Variants in NTF3 observed in about 807,000 individuals in gnomAD.
NTF3 encodes neurotrophin 3, also known as neurotrophin-3.
In NTF3, 8 loss-of-function variants were observed where a neutral mutation model predicts 26.3. The observed-to-expected ratio is 0.30, with a 90% CI of 0.18 to 0.55. The LOEUF is 0.55. NTF3 is among the 20% of genes least tolerant of loss of function. The pLI, the probability that NTF3 is intolerant of heterozygous loss-of-function variation, is 0.93. For missense variants in NTF3, 276 were observed against 352.9 expected, an observed-to-expected ratio of 0.78 and a Z score of 1.75; for synonymous variants, 154 against 145.5, an observed-to-expected ratio of 1.06 and a Z score of -0.42.
At chr12:5,493,746 G>T (rs564339038) in intron 1 of NTF3, among the ~76,000 whole-genome samples, 1 of 152,074 alleles carries the variant, frequency 6.6e-6, no homozygotes, top group Non-Finnish European at 1.5e-5. Context: ...GGGAGCAGTC[G>T]AACTCTTTCT....
At chr12:5,440,252 G>A (rs762880270) in intron 1 of NTF3, among the ~76,000 whole-genome samples, 11 of 152,116 alleles carry the variant, frequency 7.2e-5, no homozygotes, top group Non-Finnish European at 1.6e-4. Flanking sequence ...TAGACCATAG[G>A]TACTCAAAAA....
chr12:5,457,813 A>T (rs2121183828), intron 1 of NTF3, among the ~76,000 whole-genome samples: 1 of 151,548 alleles, frequency 6.6e-6, no homozygotes, highest in South Asian at 2.1e-4. Context: ...ACCACCTGCG[A>T]CTCTAGTGTG....
At chr12:5,443,810 G>A (rs762459868) in intron 1 of NTF3, among the ~76,000 whole-genome samples, 21 of 152,108 alleles carry the variant, frequency 1.4e-4, no homozygotes, top group Non-Finnish European at 2.4e-4. Flanking sequence ...GAAACCTCCA[G>A]GGTGTTTATT....
intron 1 of NTF3, among the ~76,000 whole-genome samples, chr12:5,481,179 C>CCG (rs1940787642): frequency 6.6e-6 from 1 of 152,118 alleles, no homozygotes; most frequent in Admixed American, 6.5e-5. Context: ...ATGATTTACT[C>CCG]CGGTTCCTGC....
intron 1 of NTF3, among the ~76,000 whole-genome samples, chr12:5,475,491 T>A (rs1269502544): frequency 1.3e-5 from 2 of 152,062 alleles, no homozygotes; most frequent in Non-Finnish European, 2.9e-5. Flanking sequence ...ACTGGCAACA[T>A]CTGAACATTA....
chr12:5,469,911 T>A (rs1161288088), intron 1 of NTF3, among the ~76,000 whole-genome samples: 1 of 151,940 alleles, frequency 6.6e-6, no homozygotes, highest in Non-Finnish European at 1.5e-5. Flanking sequence ...TCATTGTTTG[T>A]TTGTATTTTG....
At chr12:5,463,356 A>T (rs558923782) in intron 1 of NTF3, among the ~76,000 whole-genome samples, 1 of 152,330 alleles carries the variant, frequency 6.6e-6, no homozygotes, top group African/African-American at 2.4e-5. Flanking sequence ...AGAAACTGTC[A>T]TGAGAGGTAA....
intron 1 of NTF3, among the ~76,000 whole-genome samples, chr12:5,484,270 A>G (rs911947130): frequency 1.3e-5 from 2 of 152,176 alleles, no homozygotes; most frequent in Non-Finnish European, 2.9e-5. Context: ...ATAGAGTTGG[A>G]TGCCAGTTTC....
intron 1 of NTF3, among the ~76,000 whole-genome samples, chr12:5,444,163 C>T (rs906453314): frequency 1.3e-5 from 2 of 152,058 alleles, no homozygotes; most frequent in Non-Finnish European, 1.5e-5. Flanking sequence ...GGGGACTGCT[C>T]GACAGAGGCA....
At chr12:5,481,264 G>A (rs1033893923) in intron 1 of NTF3, among the ~76,000 whole-genome samples, 1 of 151,960 alleles carries the variant, frequency 6.6e-6, no homozygotes, top group African/African-American at 2.4e-5. Flanking sequence ...AGTGGCCAAA[G>A]GGGAGGCTGG....
upstream of NTF3, among the ~76,000 whole-genome samples, chr12:5,430,460 G>A (rs1940070687): frequency 1.3e-5 from 2 of 151,836 alleles, no homozygotes; most frequent in African/African-American, 4.8e-5. Context: ...CCCTTGCGAG[G>A]GACCGCAGGA....
intron 1 of NTF3, among the ~76,000 whole-genome samples, chr12:5,461,510 G>T (rs1375774553): frequency 6.6e-6 from 1 of 152,012 alleles, no homozygotes; most frequent in Non-Finnish European, 1.5e-5. Context: ...AAAACAGGCT[G>T]CACCGGCCTG....
chr12:5,493,386 C>T (rs1591610351), intron 1 of NTF3, among the ~76,000 whole-genome samples: 1 of 152,342 alleles, frequency 6.6e-6, no homozygotes, highest in East Asian at 1.9e-4. Context: ...GCAAGTGAAT[C>T]AACAATGACT....
intron 1 of NTF3, among the ~76,000 whole-genome samples, chr12:5,472,649 G>A (rs1940679372): frequency 6.6e-6 from 1 of 152,140 alleles, no homozygotes; most frequent in Non-Finnish European, 1.5e-5. Context: ...CGGGTGACAA[G>A]GAGGGTTTTC....
chr12:5,490,978 A>T (rs1940929215), intron 1 of NTF3, among the ~76,000 whole-genome samples: 1 of 152,198 alleles, frequency 6.6e-6, no homozygotes, highest in South Asian at 2.1e-4. Flanking sequence ...TAACATTTCT[A>T]GTGTGCTCAC....
chr12:5,467,998 C>A lies in NTF3; in HGVS notation c.19-26196C>A, dbSNP rs149064260. Among the ~76,000 whole-genome samples, 21 of 152,338 alleles carry A rather than the reference C, an allele frequency of 1.4e-4. No homozygotes were observed. In the East Asian group the frequency reaches 4.1e-3, roughly 29 times the overall value. On this transcript the variant is annotated intron_variant, in intron 1 of 1. Transcript: ENST00000423158. ...CCTACCATGCCTGCCCCTCCACCCC[C>A]CACATTTTCCCTCTGATGAGATTTC...
At chr12:5,440,750 G>A (rs1029199594) in intron 1 of NTF3, among the ~76,000 whole-genome samples, 8 of 152,156 alleles carry the variant, frequency 5.3e-5, no homozygotes, top group Admixed American at 3.3e-4. Flanking sequence ...GGAGGAGTTG[G>A]ACTCACTAGA....
intron 1 of NTF3, among the ~76,000 whole-genome samples, chr12:5,468,031 A>C (rs556571826): frequency 1.3e-5 from 2 of 151,836 alleles, no homozygotes; most frequent in Non-Finnish European, 2.9e-5. Flanking sequence ...TTCCTCTCTG[A>C]GGGAATATTT....
intron 1 of NTF3, among the ~76,000 whole-genome samples, chr12:5,450,728 G>T (rs1978390): frequency 1 from 152,060 of 152,360 alleles, 75,882 homozygotes; most frequent in Middle Eastern, 1. Flanking sequence ...ACAAAGCAAC[G>T]GAAACTTCCA....
Sources: gnomAD v4.1 joint callset for allele counts (sites outside exome capture counted in the v4.1 genomes callset) on GRCh38, gnomAD v4.1.1 for gene constraint, MANE v1.5 for transcripts, NCBI Gene and HGNC (gene_info 2026-07-23, HGNC 2026-07-21) for gene names.